The following RADIL variants were observed in gnomAD, a reference collection of about 807,000 sequenced individuals.
RADIL encodes Rap associating with DIL domain.
A neutral mutation model predicts 97.6 loss-of-function variants in RADIL; 99 were observed. The ratio of observed to expected loss-of-function variants is 1.01; its 90% CI spans 0.86 to 1.20. The LOEUF is 1.20. Among genes scored for constraint, RADIL ranks in the 50% most tolerant of loss-of-function variants. The pLI, the probability that RADIL is intolerant of heterozygous loss-of-function variation, is 0.00. For synonymous variants in RADIL, 803 were observed against 691.8 expected, an observed-to-expected ratio of 1.16 and a Z score of -2.52; for missense variants, 1,765 against 1,498.9, an observed-to-expected ratio of 1.18 and a Z score of -2.93.
In RADIL at chr7:4,822,252, G is replaced by T; in HGVS notation, c.1615+142C>A. 1 of 1,101,416 alleles carries T rather than the reference G, an allele frequency of 9.1e-7. No homozygotes were observed. The highest frequency in any genetic ancestry group is 1.3e-6 in the Non-Finnish European group (1 of 796,562). The allele number at this position is 1,101,416 out of a possible 1,614,324, so 68.2% of individuals were successfully genotyped here. ...GGCCGTCCCCGAGCAACTGACACAT[G>T]GCAGCCTAGGGACTGAGGAAGCCCC... On this transcript the variant is annotated intron_variant, in intron 6 of 14. Coordinates refer to ENST00000399583, the MANE Select transcript of RADIL (RefSeq NM_018059.5). This position sits in a 1 kb window ranked among gnomAD's most constrained non-coding sequence, Gnocchi z 5.3.
intron 10 of RADIL, 125 bp downstream of exon 10, chr7:4,805,441 G>A: frequency 8.0e-7 from 1 of 1,245,402 alleles, no homozygotes; most frequent in South Asian, 2.1e-5. Flanking sequence ...GCTCCTCCAG[G>A]GAGGTCCCCA....
At chr7:4,830,265 G>A (rs1161736307) in intron 5 of RADIL, among the ~76,000 whole-genome samples, 1 of 152,238 alleles carries the variant, frequency 6.6e-6, no homozygotes, top group Admixed American at 6.5e-5. Context: ...GAGGAGACAT[G>A]TGGCGGCTTC....
At chr7:4,860,431 A>G (rs1783955864) in intron 2 of RADIL, 1 of 1,614,078 alleles carries the variant, frequency 6.2e-7, no homozygotes, top group South Asian at 1.1e-5. Context: ...AAGACTGGAT[A>G]TCATAGGTGA....
chr7:4,858,941 G>T (rs1376690776), intron 2 of RADIL: 1 of 152,212 alleles, frequency 6.6e-6, no homozygotes. Context: ...GAGGACAAGA[G>T]AATATGGAGC....
chr7:4,875,428 G>T (rs548415189), intron 2 of RADIL, among the ~76,000 whole-genome samples: 10 of 151,506 alleles, frequency 6.6e-5, no homozygotes, highest in African/African-American at 2.4e-4. Context: ...CCTCAGACAA[G>T]CTCCTGTCTC....
At chr7:4,861,512 G>A (rs759669788) in intron 2 of RADIL, 11 of 1,614,024 alleles carry the variant, frequency 6.8e-6, no homozygotes, top group East Asian at 2.2e-5. Context: ...AGAGCCAAAC[G>A]TAAAAATCTT....
In RADIL at chr7:4,853,742, CA is replaced by C. The variant is rs34610093; in HGVS notation, c.536-17138del. 3.2e-3 allele frequency among the ~76,000 whole-genome samples: 327 copies of C among 101,016 alleles called. 1 individual carries two copies. Among genetic ancestry groups the C allele is most frequent in the South Asian group, 8.3e-3 (25 of 3,000 alleles). 66.3% of individuals were successfully genotyped at this position (101,016 alleles called of 152,430 possible). A position where few individuals can be genotyped will look rare whatever the true frequency, so the allele number is the denominator to read the frequency against. Reference sequence around the variant, plus strand: ...GGGCAACAACAGTGAAACTCTGTCTCAAAAAAAAAAAAAAAAAAATACGCTG... The same window carrying C: ...GGGCAACAACAGTGAAACTCTGTCTCAAAAAAAAAAAAAAAAAATACGCTG... On this transcript the variant is annotated intron_variant, in intron 2 of 14. Coordinates refer to ENST00000399583, the MANE Select transcript of RADIL (RefSeq NM_018059.5).
chr7:4,872,760 C>T lies in RADIL; in HGVS notation c.535+4845G>A, dbSNP rs1562459451. Among the ~76,000 whole-genome samples, 2 of 152,172 alleles carry T rather than the reference C, an allele frequency of 1.3e-5. No individual in the cohort carries two copies. Among genetic ancestry groups the T allele is most frequent in the African/African-American group, 4.8e-5 (2 of 41,428 alleles). On this transcript the variant is annotated intron_variant, in intron 2 of 14. Coordinates refer to ENST00000399583, the MANE Select transcript of RADIL (RefSeq NM_018059.5). The surrounding 1 kb of genome is among the most constrained non-coding windows in gnomAD (Gnocchi z 5.8). ...CCCAAAGTGCCTGCGTGCATTTCTA[C>T]AGGGGGGTAGCAGTGAACTAAGTGA...
Position 4,813,668 on chromosome 7 carries a change from A to C in RADIL, c.2139+1610T>G, listed in dbSNP as rs1289812589. Among the ~76,000 whole-genome samples, 1 of 152,246 alleles carries C rather than the reference A, an allele frequency of 6.6e-6. No individual in the cohort carries two copies. The highest frequency in any genetic ancestry group is 1.5e-5 in the Non-Finnish European group (1 of 68,042). On this transcript the variant is annotated intron_variant, in intron 9 of 14. Transcript: ENST00000399583. This position sits in a 1 kb window ranked among gnomAD's most constrained non-coding sequence, Gnocchi z 5.0. ...GGGAAAAGCAACAGGAACTTCAGTC[A>C]GCTCTTTGTGGAGGCTCACTCTCTC... is the stretch of plus-strand genomic sequence containing the variant.
chr7:4,878,894 A>G lies in RADIL; in HGVS notation c.-64-691T>C, dbSNP rs980686029. Among the ~76,000 whole-genome samples the G allele has an allele frequency of 6.6e-6, 1 of 152,200 alleles. No homozygotes were observed. Among genetic ancestry groups the G allele is most frequent in the African/African-American group, 2.4e-5 (1 of 41,454 alleles). On this transcript the variant is annotated intron_variant, in intron 1 of 14. Coordinates refer to ENST00000399583, the MANE Select transcript of RADIL (RefSeq NM_018059.5). The surrounding 1 kb of genome is among the most constrained non-coding windows in gnomAD (Gnocchi z 4.1). ...CCTCTCCGTAAACCTCGTGTCTCCTACCCCACAGGCTGCGACGTGGGAAAT... is the reference window on the plus strand; with the variant it reads ...CCTCTCCGTAAACCTCGTGTCTCCTGCCCCACAGGCTGCGACGTGGGAAAT...
At chr7:4,861,342 C>A in intron 2 of RADIL, 5 of 1,613,950 alleles carry the variant, frequency 3.1e-6, no homozygotes, top group Non-Finnish European at 4.2e-6. Context: ...AGTTTGATAA[C>A]TGGCACAAAT....
intron 2 of RADIL, among the ~76,000 whole-genome samples, chr7:4,845,670 TA>T (rs1394538649): frequency 2.0e-5 from 3 of 152,124 alleles, no homozygotes; most frequent in Non-Finnish European, 2.9e-5. Context: ...GGGAAGAAAT[TA>T]TTTTTTTACA....
At chr7:4,862,395 A>G (rs112702775) in intron 2 of RADIL, among the ~76,000 whole-genome samples, 1 of 152,104 alleles carries the variant, frequency 6.6e-6, no homozygotes, top group African/African-American at 2.4e-5. Flanking sequence ...GTTGCTGGAC[A>G]TTGGTTTAGC....
intron 8 of RADIL, 75 bp downstream of exon 8, chr7:4,816,153 G>A (rs1279921095): frequency 9.3e-6 from 13 of 1,400,758 alleles, no homozygotes; most frequent in East Asian, 2.3e-5. Flanking sequence ...CCAGGAGCTG[G>A]CGAGGGAGGC....
At position 4,815,264 on chromosome 7, in the gene RADIL, A is replaced by T. The variant is rs911576621; in HGVS notation, c.2139+14T>A. 2 of 1,534,278 alleles carry T rather than the reference A, an allele frequency of 1.3e-6. No homozygotes were observed. Among genetic ancestry groups the T allele is most frequent in the East Asian group, 4.9e-5 (2 of 40,528 alleles). ...CCCCTCCCCACACTCGCCGCCTCCC[A>T]TGCGCACCCCTACCTGGATGAGCTG... On this transcript the variant is annotated intron_variant, in intron 9 of 14. Coordinates refer to ENST00000399583, the MANE Select transcript of RADIL (RefSeq NM_018059.5). The surrounding 1 kb of genome is among the most constrained non-coding windows in gnomAD (Gnocchi z 8.0).
At chr7:4,862,916 A>AC (rs1784052888) in intron 2 of RADIL, among the ~76,000 whole-genome samples, 1 of 151,240 alleles carries the variant, frequency 6.6e-6, no homozygotes, top group Admixed American at 6.6e-5. Context: ...AAATAAAATT[A>AC]AAAATAAAAA....
chr7:4,826,726 C>T (rs919791946), intron 5 of RADIL, among the ~76,000 whole-genome samples: 14 of 144,066 alleles, frequency 9.7e-5, no homozygotes, highest in Non-Finnish European at 1.8e-4. Context: ...GAGCGAGACT[C>T]CGTCTCAAAA....
chr7:4,829,876 A>G (rs1489674605), intron 5 of RADIL, among the ~76,000 whole-genome samples: 3 of 152,092 alleles, frequency 2.0e-5, no homozygotes, highest in Non-Finnish European at 2.9e-5. Flanking sequence ...TGTTTCCTTT[A>G]TAAATTACCC....
In RADIL at chr7:4,842,018, G is replaced by A. The variant is rs1380913014; in HGVS notation, c.536-5413C>T. ...TGCAGTGAGCTACGATCACGCCACC[G>A]CACTCCAGCCTGGGCAACAGAGCAA... On this transcript the variant is annotated intron_variant, in intron 2 of 14. Transcript: ENST00000399583. The surrounding 1 kb of genome is among the most constrained non-coding windows in gnomAD (Gnocchi z 4.5). 2.6e-4 allele frequency among the ~76,000 whole-genome samples: 39 copies of A among 151,300 alleles called. No individual in the cohort carries two copies. The highest frequency in any genetic ancestry group is 2.2e-3 in the Admixed American group (33 of 15,174).
Sources: allele counts gnomAD v4.1 joint callset (sites outside exome capture counted in the v4.1 genomes callset), GRCh38; gene constraint gnomAD v4.1.1; non-coding constraint Gnocchi (gnomAD v3.1); transcripts MANE v1.5; gene names NCBI Gene and HGNC (gene_info 2026-07-23, HGNC 2026-07-21).